IPO11: variants seen among roughly 807,000 people sequenced by gnomAD.
IPO11 encodes the protein importin-11.
Under a neutral mutation model 143.2 loss-of-function variants are expected in IPO11, and 66 were observed. The ratio of observed to expected loss-of-function variants is 0.46; its 90% CI spans 0.38 to 0.57. IPO11 has a LOEUF of 0.57. Among genes scored for constraint, IPO11 ranks in the 20% least tolerant of loss-of-function variants. IPO11 has a pLI of 0.00. For synonymous variants in IPO11, 385 were observed against 377.8 expected (o/e 1.02, Z -0.22); for missense variants, 1,026 against 1,141.0 (o/e 0.90, Z 1.45).
At chr5:62,473,016 T>C (rs1212670210) in intron 7 of IPO11, among the ~76,000 whole-genome samples, 1 of 152,228 alleles carries the variant, frequency 6.6e-6, no homozygotes, top group African/African-American at 2.4e-5. Context: ...AACAGACTTA[T>C]GGGATCTTGG....
intron 26 of IPO11, among the ~76,000 whole-genome samples, chr5:62,554,141 CT>C (rs1250131684): frequency 6.6e-6 from 1 of 152,094 alleles, no homozygotes; most frequent in African/African-American, 2.4e-5. Context: ...TTTTATTTAG[CT>C]GTTGTTTGAG....
intron 24 of IPO11, among the ~76,000 whole-genome samples, chr5:62,548,092 C>T (rs559664680): frequency 6.9e-6 from 1 of 144,158 alleles, no homozygotes; most frequent in Non-Finnish European, 1.5e-5. Context: ...CTTTGCACTT[C>T]CTCTGTGCCT....
intron 1 of IPO11, among the ~76,000 whole-genome samples, chr5:62,430,569 G>A (rs1057158116): frequency 3.3e-5 from 5 of 151,946 alleles, no homozygotes; most frequent in Admixed American, 6.6e-5. Flanking sequence ...CAAACTGCCC[G>A]CCTCAGCCTC....
At chr5:62,526,120 G>A in intron 20 of IPO11, 22 bp from the exon 21 acceptor site, 1 of 1,521,266 alleles carries the variant, frequency 6.6e-7, no homozygotes, top group South Asian at 1.1e-5. Context: ...CTTATTATAA[G>A]TTTTATTTAT....
intron 27 of IPO11, among the ~76,000 whole-genome samples, chr5:62,571,390 T>C (rs1744126905): frequency 6.6e-6 from 1 of 152,210 alleles, no homozygotes; most frequent in Non-Finnish European, 1.5e-5. Flanking sequence ...ACCTAGGGCT[T>C]ATTATGATAA....
chr5:62,536,376 A>C (rs1742733151), intron 22 of IPO11, among the ~76,000 whole-genome samples: 1 of 152,064 alleles, frequency 6.6e-6, no homozygotes, highest in Non-Finnish European at 1.5e-5. Flanking sequence ...CCCAGTGAAA[A>C]GCAAATGAGG....
intron 29 of IPO11, among the ~76,000 whole-genome samples, chr5:62,615,744 G>A (rs570549209): frequency 1.3e-5 from 2 of 152,222 alleles, no homozygotes; most frequent in Non-Finnish European, 2.9e-5. Context: ...CAAGGAAACA[G>A]CATAGTACAA....
intron 22 of IPO11, among the ~76,000 whole-genome samples, chr5:62,535,897 T>G (rs1742717752): frequency 6.6e-6 from 1 of 152,210 alleles, no homozygotes; most frequent in Non-Finnish European, 1.5e-5. Flanking sequence ...GGTCATATTT[T>G]AATCTGTATA....
chr5:62,533,183 C>CT (rs1403079778), intron 22 of IPO11, among the ~76,000 whole-genome samples: 1 of 150,176 alleles, frequency 6.7e-6, no homozygotes, highest in Non-Finnish European at 1.5e-5. Context: ...TGACATACAG[C>CT]TTTTTGCATG....
chr5:62,431,240 A>C (rs1743975978), intron 1 of IPO11, among the ~76,000 whole-genome samples: 1 of 151,894 alleles, frequency 6.6e-6, no homozygotes, highest in South Asian at 2.1e-4. Flanking sequence ...CGACCTCCCA[A>C]AGTGCTGGCA....
intron 3 of IPO11, chr5:62,443,324 A>G (rs746628177): frequency 5.2e-6 from 2 of 381,590 alleles, no homozygotes; most frequent in African/African-American, 4.2e-5. Context: ...TAAGTGTTCT[A>G]TTTAGGTAAT....
chr5:62,465,756 A>C (rs1745551815), intron 5 of IPO11, among the ~76,000 whole-genome samples: 1 of 152,256 alleles, frequency 6.6e-6, no homozygotes, highest in African/African-American at 2.4e-5. Flanking sequence ...TGACTGATTT[A>C]GTTTGTAAAG....
chr5:62,536,429 T>A (rs1323672372), intron 22 of IPO11, among the ~76,000 whole-genome samples: 1 of 114,294 alleles, frequency 8.7e-6, no homozygotes, highest in Non-Finnish European at 1.7e-5. Context: ...ATTCATTCAT[T>A]CATTCATTCA....
At chr5:62,494,237 C>A in intron 16 of IPO11, 113 bp downstream of exon 16, 1 of 823,518 alleles carries the variant, frequency 1.2e-6, no homozygotes, top group Non-Finnish European at 1.7e-6. Flanking sequence ...CCTTTCACTG[C>A]ACTAGTTATT....
At chr5:62,470,816 CTTTTTTTTTTTTTTTTTTTT>C (rs70981015) in intron 7 of IPO11, among the ~76,000 whole-genome samples, 1 of 62,536 alleles carries the variant, frequency 1.6e-5, no homozygotes, top group Non-Finnish European at 2.7e-5. Context: ...TAGCCATCTT[CTTTTTTTTTTTTTTTTTTTT>C]TTTTTTTTTG....
rs772515552 is a variant in IPO11 at position 62,537,238 on chromosome 5, T to C, written c.2199T>C (p.Phe733=). The C allele has an allele frequency of 2.5e-6, 4 of 1,607,676 alleles. No homozygotes were observed. The highest frequency in any genetic ancestry group is 3.4e-6 in the Non-Finnish European group (4 of 1,175,180). The stretch of plus-strand genomic sequence containing the variant: ...ACGCAGTAGGTCTATGCCAGTCCTT[T>C]TGTGAACTTTTAAAGGAAATTACTA... ...QTYAVGLCQS[F]CELLKEITTE... The change falls in exon 24 of 30, where the codon TTT becomes TTC. Residue 733 remains phenylalanine (F), a synonymous_variant. Transcript: ENST00000325324.
rs1182814807 is a variant in IPO11 at position 62,580,321 on chromosome 5, ACATT to A, written c.2583-11253_2583-11250del. On this transcript the variant is annotated intron_variant, in intron 27 of 29. Transcript: ENST00000325324. ...TGATTTAGAGAATTTAAATTCTGACACATTCAGTTTGTTAAAGAATTTAATTTAC... is the reference window on the plus strand; with the variant it reads ...TGATTTAGAGAATTTAAATTCTGACACAGTTTGTTAAAGAATTTAATTTAC... 6.5e-6 allele frequency: 10 copies of A among 1,538,084 alleles called. No individual in the cohort carries two copies. In the East Asian group the frequency reaches 2.4e-4, roughly 38 times the overall value.
At chr5:62,568,918 G>T (rs982988474) in intron 27 of IPO11, among the ~76,000 whole-genome samples, 5 of 152,196 alleles carry the variant, frequency 3.3e-5, no homozygotes, top group African/African-American at 4.8e-5. Flanking sequence ...AAAAGGGACT[G>T]ACTGTTCACT....
At chr5:62,609,484 G>GT (rs1745853062) in intron 29 of IPO11, among the ~76,000 whole-genome samples, 1 of 152,216 alleles carries the variant, frequency 6.6e-6, no homozygotes, top group Non-Finnish European at 1.5e-5. Flanking sequence ...CTAACAGCAT[G>GT]TATGATGTAT....
Sources: allele counts gnomAD v4.1 joint callset (sites outside exome capture counted in the v4.1 genomes callset), GRCh38; gene constraint gnomAD v4.1.1; transcripts MANE v1.5; gene names NCBI Gene and HGNC (gene_info 2026-07-23, HGNC 2026-07-21).